Variants in MAP3K4 observed in about 807,000 individuals in gnomAD.
MAP3K4 encodes mitogen-activated protein kinase kinase kinase 4.
Under a neutral mutation model 185.6 loss-of-function variants are expected in MAP3K4, and 67 were observed. That is an observed-to-expected ratio of 0.36 (90% CI 0.30 to 0.44). MAP3K4 has a LOEUF of 0.44. Ranked by LOEUF, MAP3K4 falls within the 20% of genes least tolerant of loss-of-function variation. The probability of loss-of-function intolerance (pLI) is 1.00; values close to 1 mark genes in which losing one functional copy is unlikely to be tolerated. For missense variants in MAP3K4, 1,551 were observed against 1,995.1 expected (o/e 0.78, Z 4.24); for synonymous variants, 702 against 710.4 (o/e 0.99, Z 0.19).
chr6:161,089,443 T>G lies in MAP3K4; in HGVS notation c.2945T>G (p.Val982Gly). ...CAGGAGCAGACATCCAGTCAGCCGGTCATCGCCAAAGCTTTGCAGCAGCTG... is the reference window on the plus strand; with the variant it reads ...CAGGAGCAGACATCCAGTCAGCCGGGCATCGCCAAAGCTTTGCAGCAGCTG... ...LCQEQTSSQP[V>G]IAKALQQLKN... Residue 982 changes from valine (V) to glycine (G), a missense_variant, in exon 11 of 27, where the codon GTC becomes GGC. Val to Gly is a moderately radical substitution (Grantham distance 109). Around this residue, in one of 16 missense-constraint regions of MAP3K4, gnomAD observed 261 missense variants for 306.5 expected, o/e 0.85. Coordinates refer to ENST00000392142, the MANE Select transcript of MAP3K4 (RefSeq NM_005922.4). The G allele has an allele frequency of 1.9e-6, 3 of 1,614,244 alleles. No individual in the cohort carries two copies. The highest frequency in any genetic ancestry group is 2.5e-6 in the Non-Finnish European group (3 of 1,180,044).
At position 161,103,692 on chromosome 6, in the gene MAP3K4, G is replaced by T. The variant is rs1159870178; in HGVS notation, c.3856+913G>T. ...CAGCCCCAGAGGCTCTTGAGCAGCTGGTGTGTTTGGGATGTGGGAGGCTGG... is the reference window on the plus strand; with the variant it reads ...CAGCCCCAGAGGCTCTTGAGCAGCTTGTGTGTTTGGGATGTGGGAGGCTGG... On this transcript the variant is annotated intron_variant, in intron 19 of 26. Coordinates refer to ENST00000392142, the MANE Select transcript of MAP3K4 (RefSeq NM_005922.4). The surrounding 1 kb of genome is among the most constrained non-coding windows in gnomAD (Gnocchi z 4.6). 6.6e-6 allele frequency among the ~76,000 whole-genome samples: 1 copy of T among 152,214 alleles called. No individual in the cohort carries two copies. Among genetic ancestry groups the T allele is most frequent in the Non-Finnish European group, 1.5e-5 (1 of 68,036 alleles).
intron 15 of MAP3K4, among the ~76,000 whole-genome samples, chr6:161,094,367 C>CTA (rs1777476882): frequency 6.6e-6 from 1 of 152,126 alleles, no homozygotes; most frequent in Non-Finnish European, 1.5e-5. Context: ...AGTTATGCTG[C>CTA]TATATATATT....
rs1784501788 is a variant in MAP3K4 at position 161,061,943 on chromosome 6, T to A, written c.1708-8665T>A. Among the ~76,000 whole-genome samples the A allele has an allele frequency of 6.6e-6, 1 of 152,180 alleles. No individual in the cohort carries two copies. The highest frequency in any genetic ancestry group is 1.5e-5 in the Non-Finnish European group (1 of 68,034). ...TGAAGTACTTGGTTTTACAAGAAAA[T>A]CTAAATGTATTCTCAAAGAAGTTTA... On this transcript the variant is annotated intron_variant, in intron 3 of 26. Coordinates refer to ENST00000392142, the MANE Select transcript of MAP3K4 (RefSeq NM_005922.4). The surrounding 1 kb of genome is among the most constrained non-coding windows in gnomAD (Gnocchi z 4.2).
Position 161,106,491 on chromosome 6 carries a change from T to G in MAP3K4, c.3857-23T>G. 65 of 1,565,828 alleles carry G rather than the reference T, an allele frequency of 4.2e-5. No homozygotes were observed. The highest frequency in any genetic ancestry group is 5.9e-5 in the South Asian group (5 of 85,256). On this transcript the variant is annotated intron_variant, in intron 19 of 26. Coordinates refer to ENST00000392142, the MANE Select transcript of MAP3K4 (RefSeq NM_005922.4). The surrounding 1 kb of genome is among the most constrained non-coding windows in gnomAD (Gnocchi z 4.9). ...ACTTGATAACAGTGATTGGGACTAA[T>G]GAGGTTTTGGTTCTCTCTGCAGATA...
rs188614839 is a variant in MAP3K4, at chr6:161,053,983, G to C, written c.1707+4004G>C. Among the ~76,000 whole-genome samples the C allele has an allele frequency of 1.4e-3, 209 of 152,252 alleles. No individual in the cohort carries two copies. Among genetic ancestry groups the C allele is most frequent in the African/African-American group, 4.9e-3 (202 of 41,554 alleles). ...CATATTTTGCAGTTTTTGTGGTTTC[G>C]TGATAATAGGAATGAATATAGGTGA... On this transcript the variant is annotated intron_variant, in intron 3 of 26. Transcript: ENST00000392142. This position sits in a 1 kb window ranked among gnomAD's most constrained non-coding sequence, Gnocchi z 4.2.
chr6:161,037,277 G>A lies in MAP3K4; in HGVS notation c.343+2828G>A, dbSNP rs1022469947. ...CAGAATCTTGGTTGCTTGATCACCCGGACTCCAGTCCTGGTTCCGCTATCT... is the reference window on the plus strand; with the variant it reads ...CAGAATCTTGGTTGCTTGATCACCCAGACTCCAGTCCTGGTTCCGCTATCT... On this transcript the variant is annotated intron_variant, in intron 2 of 26. Coordinates refer to ENST00000392142, the MANE Select transcript of MAP3K4 (RefSeq NM_005922.4). The surrounding 1 kb of genome is among the most constrained non-coding windows in gnomAD (Gnocchi z 4.2). 3.9e-5 allele frequency among the ~76,000 whole-genome samples: 6 copies of A among 152,108 alleles called. No homozygotes were observed. Among genetic ancestry groups the A allele is most frequent in the East Asian group, 1.9e-4 (1 of 5,192 alleles).
intron 2 of MAP3K4, among the ~76,000 whole-genome samples, chr6:161,041,926 C>CTTTTTTTTTTT (rs869273927): frequency 2.2e-5 from 1 of 45,218 alleles, no homozygotes; most frequent in African/African-American, 6.4e-5. Flanking sequence ...TTTTTTTTTT[C>CTTTTTTTTTTT]TTTTTTTTTT....
In MAP3K4 at chr6:161,049,615, A is replaced by C; in HGVS notation, c.1343A>C (p.Glu448Ala). ...NEPEYEGDDTEGELKELESST... is the reference protein window; with the variant it reads ...NEPEYEGDDTAGELKELESST... ...CCGGAGTATGAGGGTGATGACACAG[A>C]AGGAGAATTAAAGGAGTTGGAAAGT... is the stretch of plus-strand genomic sequence containing the variant. The change falls in exon 3 of 27, where the codon GAA (glutamate) becomes GCA (alanine). Residue 448 changes from glutamate (E) to alanine (A), a missense_variant. Glu to Ala is a moderately radical substitution (Grantham distance 107). This residue lies in a region of MAP3K4 where 126 missense variants were observed against 112.8 expected (regional missense o/e 1.12). Transcript: ENST00000392142. This position sits in a 1 kb window ranked among gnomAD's most constrained non-coding sequence, Gnocchi z 8.4. 6.2e-7 allele frequency: 1 copy of C among 1,614,182 alleles called. No individual in the cohort carries two copies. Among genetic ancestry groups the C allele is most frequent in the Non-Finnish European group, 8.5e-7 (1 of 1,180,028 alleles).
At position 160,992,095 on chromosome 6, in the gene MAP3K4, G is replaced by T. The variant is rs752218293; in HGVS notation, c.152+12G>T. On this transcript the variant is annotated intron_variant, in intron 1 of 26. Coordinates refer to ENST00000392142, the MANE Select transcript of MAP3K4 (RefSeq NM_005922.4). The stretch of plus-strand genomic sequence containing the variant: ...TGCTTGGCGGCGAGGTGAGTGTGGC[G>T]GCCGCAGTCGGTCGCTCGCAGAAAG... 6.5e-7 allele frequency: 1 copy of T among 1,543,458 alleles called. No individual in the cohort carries two copies. The highest frequency in any genetic ancestry group is 1.2e-5 in the South Asian group (1 of 82,830).
chr6:160,992,939 G>A (rs1185929183), intron 1 of MAP3K4, among the ~76,000 whole-genome samples: 4 of 151,918 alleles, frequency 2.6e-5, no homozygotes, highest in Non-Finnish European at 5.9e-5. Flanking sequence ...GAGTAAACTT[G>A]CAAACTGCTG....
rs1778136513 is a variant in MAP3K4, at chr6:161,107,514, A to C, written c.4049-385A>C. On this transcript the variant is annotated intron_variant, in intron 20 of 26. Transcript: ENST00000392142. The surrounding 1 kb of genome is among the most constrained non-coding windows in gnomAD (Gnocchi z 6.2). ...ACTCCTGGACATGTGCCAGTGAGGA[A>C]GACAATGGTCAGGCTTAGTCCTGGC... 6.6e-6 allele frequency among the ~76,000 whole-genome samples: 1 copy of C among 152,194 alleles called. No homozygotes were observed. Among genetic ancestry groups the C allele is most frequent in the African/African-American group, 2.4e-5 (1 of 41,446 alleles).
At chr6:161,092,807 T>C (rs1777385668) in intron 13 of MAP3K4, among the ~76,000 whole-genome samples, 171 bp from the exon 14 acceptor site, 1 of 152,192 alleles carries the variant, frequency 6.6e-6, no homozygotes, top group South Asian at 2.1e-4. Flanking sequence ...TTTTAAAAAA[T>C]TATTCTCCTT....
chr6:161,079,709 G>A (rs1393584952), intron 5 of MAP3K4, among the ~76,000 whole-genome samples: 1 of 152,186 alleles, frequency 6.6e-6, no homozygotes, highest in Non-Finnish European at 1.5e-5. Flanking sequence ...TGAGCCTCGT[G>A]TTGAGGACTG....
rs1440218447 is a variant in MAP3K4, at chr6:161,097,054, G to A, written c.3428-26G>A. On this transcript the variant is annotated intron_variant, in intron 15 of 26. Coordinates refer to ENST00000392142, the MANE Select transcript of MAP3K4 (RefSeq NM_005922.4). The surrounding 1 kb of genome is among the most constrained non-coding windows in gnomAD (Gnocchi z 4.9). ...TTTCTGTGGACCATATTAACAAGTT[G>A]CATTTGTTGCCATTTTTGCTGGCAG... The A allele has an allele frequency of 1.3e-6, 2 of 1,586,240 alleles. No homozygotes were observed. Among genetic ancestry groups the A allele is most frequent in the African/African-American group, 2.7e-5 (2 of 74,324 alleles).
At position 161,071,549 on chromosome 6, in the gene MAP3K4, G is replaced by T. The variant is rs543640336; in HGVS notation, c.1950+699G>T. 6.6e-6 allele frequency among the ~76,000 whole-genome samples: 1 copy of T among 152,144 alleles called. No homozygotes were observed. The highest frequency in any genetic ancestry group is 2.4e-5 in the African/African-American group (1 of 41,408). ...GGGATTGGAGGGCTAAGAGCTACCC[G>T]GCTCTGTGAATGGTAAGACAAAGCA... On this transcript the variant is annotated intron_variant, in intron 4 of 26. Transcript: ENST00000392142. This position sits in a 1 kb window ranked among gnomAD's most constrained non-coding sequence, Gnocchi z 4.6.
rs1389184719 is a variant in MAP3K4 at position 161,107,048 on chromosome 6, GCGCACACACACACACACA to G, written c.4048+345_4048+362del. ...TCTCTCTCTCTCTCTACACACGCGC[GCGCACACACACACACACA>G]CACACACACACACGCAGAACGTGAT... On this transcript the variant is annotated intron_variant, in intron 20 of 26. Transcript: ENST00000392142. This position sits in a 1 kb window ranked among gnomAD's most constrained non-coding sequence, Gnocchi z 6.2. Among the ~76,000 whole-genome samples, 2 of 141,000 alleles carry G rather than the reference GCGCACACACACACACACA, an allele frequency of 1.4e-5. No homozygotes were observed. The highest frequency in any genetic ancestry group is 5.1e-5 in the African/African-American group (2 of 39,218). 92.5% of individuals were successfully genotyped at this position (141,000 alleles called of 152,430 possible). A position where few individuals can be genotyped will look rare whatever the true frequency, so the allele number is the denominator to read the frequency against.
At chr6:161,081,996 G>C (rs1305281857) in intron 6 of MAP3K4, among the ~76,000 whole-genome samples, 1 of 152,030 alleles carries the variant, frequency 6.6e-6, no homozygotes, top group Non-Finnish European at 1.5e-5. Flanking sequence ...GACTTCTGCA[G>C]GACTCTAGCT....
rs1785121406 is a variant in MAP3K4 at position 161,075,323 on chromosome 6, T to A, written c.2097+1711T>A. Among the ~76,000 whole-genome samples the A allele has an allele frequency of 6.6e-6, 1 of 151,936 alleles. No homozygotes were observed. On this transcript the variant is annotated intron_variant, in intron 5 of 26. Coordinates refer to ENST00000392142, the MANE Select transcript of MAP3K4 (RefSeq NM_005922.4). The surrounding 1 kb of genome is among the most constrained non-coding windows in gnomAD (Gnocchi z 4.3). The stretch of plus-strand genomic sequence containing the variant: ...GCGTGTGCCACCACACCTGGCTAAT[T>A]TTTAAAAATTTTTTTGTAGAGTCAG...
At chr6:161,014,638 A>G (rs1339782604) in intron 1 of MAP3K4, among the ~76,000 whole-genome samples, 1 of 152,238 alleles carries the variant, frequency 6.6e-6, no homozygotes, top group Non-Finnish European at 1.5e-5. Context: ...CTACCAAAAA[A>G]CATTGTGTCT....
Sources: gnomAD v4.1 joint callset for allele counts (sites outside exome capture counted in the v4.1 genomes callset) on GRCh38, gnomAD v4.1.1 for gene constraint, gnomAD v4.1.1 regional missense constraint, Gnocchi (gnomAD v3.1) non-coding constraint, MANE v1.5 for transcripts, NCBI Gene and HGNC (gene_info 2026-07-23, HGNC 2026-07-21) for gene names.